The following KRABD5 variants were observed in gnomAD, a reference collection of about 807,000 sequenced individuals.
KRABD5 encodes KRAB domain containing 5, also known as KRAB domain-containing protein 5.
At chr16:31,732,181 GTCC>G in the KRABD5 span, among the ~76,000 whole-genome samples, 4 of 152,178 alleles carry the variant, frequency 2.6e-5, no homozygotes, top group Admixed American at 1.3e-4. Context: ...TCCTCAAATT[GTCC>G]TCCTTGATCT....
the KRABD5 span, among the ~76,000 whole-genome samples, chr16:31,714,606 G>T: frequency 6.6e-6 from 1 of 152,328 alleles, no homozygotes; most frequent in South Asian, 2.1e-4. Context: ...CGGGTGTGTG[G>T]AATAACCCTG....
the KRABD5 span, among the ~76,000 whole-genome samples, chr16:31,749,940 A>T: frequency 6.6e-6 from 1 of 152,168 alleles, no homozygotes; most frequent in Non-Finnish European, 1.5e-5. Context: ...TGGTGACTGT[A>T]GGCTTATAGT....
At chr16:31,753,982 C>A in the KRABD5 span, 1 of 1,501,214 alleles carries the variant, frequency 6.7e-7, no homozygotes, top group Non-Finnish European at 9.1e-7. Context: ...CTCACTGTTA[C>A]AGGAGGTCAA....
At chr16:31,748,054 A>G in the KRABD5 span, among the ~76,000 whole-genome samples, 1 of 152,124 alleles carries the variant, frequency 6.6e-6, no homozygotes, top group Admixed American at 6.5e-5. Flanking sequence ...TTTAGACATG[A>G]AGTCCTCGCC....
the KRABD5 span, among the ~76,000 whole-genome samples, chr16:31,736,450 G>A: frequency 6.7e-6 from 1 of 148,578 alleles, no homozygotes; most frequent in African/African-American, 2.5e-5. Flanking sequence ...AATGTCATTG[G>A]TATTCTGATA....
At chr16:31,734,235 CTT>C in the KRABD5 span, among the ~76,000 whole-genome samples, 23 of 138,988 alleles carry the variant, frequency 1.7e-4, no homozygotes, top group Admixed American at 2.2e-4. Context: ...TCTCTTCTAA[CTT>C]TTTTTTTTTT....
chr16:31,713,496 A>G, the KRABD5 span: 5 of 1,568,252 alleles, frequency 3.2e-6, no homozygotes, highest in African/African-American at 4.1e-5. Context: ...AGCGGCGGGA[A>G]CCCTCTTTGA....
the KRABD5 span, among the ~76,000 whole-genome samples, chr16:31,731,473 G>A: frequency 1.6e-4 from 25 of 152,270 alleles, no homozygotes; most frequent in African/African-American, 5.5e-4. Flanking sequence ...TGGCTCCTGC[G>A]GAGTCTCTGG....
the KRABD5 span, among the ~76,000 whole-genome samples, chr16:31,735,724 C>G: frequency 6.6e-6 from 1 of 152,108 alleles, no homozygotes; most frequent in African/African-American, 2.4e-5. Context: ...CTTCTTTTCA[C>G]TAATGTCTAT....
chr16:31,742,636 C>T, the KRABD5 span, among the ~76,000 whole-genome samples: 24 of 152,218 alleles, frequency 1.6e-4, no homozygotes, highest in Admixed American at 3.3e-4. Flanking sequence ...GTGCATGTGT[C>T]GTTATAGTAG....
chr16:31,723,277 G>A, the KRABD5 span: 245 of 1,613,636 alleles, frequency 1.5e-4, 2 homozygotes, highest in African/African-American at 2.1e-4. Flanking sequence ...TCTCTAAGCC[G>A]GACCTGATCA....
chr16:31,717,664 G>T, the KRABD5 span, among the ~76,000 whole-genome samples: 1 of 152,006 alleles, frequency 6.6e-6, no homozygotes, highest in African/African-American at 2.4e-5. Flanking sequence ...TCACATTCTG[G>T]TCTCATTGTG....
chr16:31,752,143 T>G, the KRABD5 span, among the ~76,000 whole-genome samples: 1 of 152,244 alleles, frequency 6.6e-6, no homozygotes, highest in Admixed American at 6.5e-5. Context: ...TTTTTTCTTT[T>G]TAATTTATTG....
At chr16:31,725,830 G>A in the KRABD5 span, among the ~76,000 whole-genome samples, 2 of 152,156 alleles carry the variant, frequency 1.3e-5, no homozygotes, top group Admixed American at 1.3e-4. Context: ...AGATTTACTG[G>A]CAACTGAGTT....
At chr16:31,753,749 C>T in the KRABD5 span, 3 of 1,448,028 alleles carry the variant, frequency 2.1e-6, no homozygotes, top group African/African-American at 2.9e-5. Flanking sequence ...ATTTTGAAAA[C>T]TTTTGGTATC....
At chr16:31,745,467 G>A in the KRABD5 span, among the ~76,000 whole-genome samples, 37 of 152,240 alleles carry the variant, frequency 2.4e-4, no homozygotes, top group East Asian at 5.8e-3. Flanking sequence ...TAATTTGGTT[G>A]CTGTGTGGTC....
chr16:31,723,378 T>C, the KRABD5 span: 25 of 1,601,288 alleles, frequency 1.6e-5, no homozygotes, highest in Non-Finnish European at 2.0e-5. Context: ...ATGAAGTAGA[T>C]GACATGGGCG....
At chr16:31,758,955 TAAATG>T in the KRABD5 span, 1 of 156,222 alleles carries the variant, frequency 6.4e-6, no homozygotes, top group African/African-American at 2.4e-5. Flanking sequence ...AATAAGAAGA[TAAATG>T]GAACTGTTCT....
the KRABD5 span, among the ~76,000 whole-genome samples, chr16:31,732,341 G>T: frequency 1.3e-5 from 2 of 152,104 alleles, no homozygotes; most frequent in African/African-American, 2.4e-5. Flanking sequence ...TTCTAATCTT[G>T]TATGTTTCCC....
Sources: allele counts gnomAD v4.1 joint callset (sites outside exome capture counted in the v4.1 genomes callset), GRCh38; gene constraint gnomAD v4.1.1; transcripts MANE v1.5; gene names NCBI Gene and HGNC (gene_info 2026-07-23, HGNC 2026-07-21).